EAF2: variants seen among roughly 807,000 people sequenced by gnomAD.
EAF2 encodes the protein ELL associated factor 2, also known as ELL-associated factor 2.
In EAF2, 29 loss-of-function variants were observed where a neutral mutation model predicts 29.4. That is an observed-to-expected ratio of 0.99 (90% confidence interval 0.73 to 1.35). The LOEUF is 1.35. EAF2 is among the 40% of genes most tolerant of loss of function. EAF2 has a pLI of 0.00. For missense variants in EAF2, 292 were observed against 312.0 expected (o/e 0.94, Z 0.48); for synonymous variants, 103 against 102.5 (o/e 1.00, Z -0.03).
chr3:121,869,460 T>C (rs191930540), intron 4 of EAF2, among the ~76,000 whole-genome samples: 323 of 152,154 alleles, frequency 2.1e-3, no homozygotes, highest in African/African-American at 7.3e-3. Context: ...TCTAGTAAGA[T>C]TGATAAAAAT....
intron 4 of EAF2, among the ~76,000 whole-genome samples, chr3:121,871,886 A>T (rs1709020920): frequency 6.6e-6 from 1 of 151,956 alleles, no homozygotes; most frequent in Admixed American, 6.6e-5. Context: ...TTATAAAATT[A>T]TGAAGTTGTT....
intron 4 of EAF2, among the ~76,000 whole-genome samples, chr3:121,858,719 A>T (rs78098556): frequency 6.6e-6 from 1 of 151,800 alleles, no homozygotes; most frequent in Non-Finnish European, 1.5e-5. Context: ...ATTGCTTTTG[A>T]TGTTTTAGTC....
intron 4 of EAF2, 64 bp downstream of exon 4, chr3:121,857,220 A>G (rs1300304602): frequency 1.5e-5 from 21 of 1,444,082 alleles, no homozygotes; most frequent in Admixed American, 2.1e-5. Flanking sequence ...AAGGCCAGGC[A>G]TGGTGGCTCA....
intron 5 of EAF2, among the ~76,000 whole-genome samples, chr3:121,879,693 T>A (rs1359576472): frequency 6.6e-6 from 1 of 151,774 alleles, no homozygotes; most frequent in African/African-American, 2.4e-5. Flanking sequence ...CACAGAATGT[T>A]CTTGGTGACT....
intron 5 of EAF2, among the ~76,000 whole-genome samples, chr3:121,880,422 C>T (rs1336578428): frequency 6.6e-6 from 1 of 150,656 alleles, no homozygotes; most frequent in African/African-American, 2.5e-5. Flanking sequence ...AGAATACAGG[C>T]ATGAGTCACT....
At chr3:121,869,808 G>A (rs774056044) in intron 4 of EAF2, among the ~76,000 whole-genome samples, 5 of 152,096 alleles carry the variant, frequency 3.3e-5, no homozygotes, top group African/African-American at 1.2e-4. Context: ...TGGATTGCTT[G>A]AGCCCAAGAG....
intron 4 of EAF2, among the ~76,000 whole-genome samples, chr3:121,865,161 C>T (rs1708902097): frequency 6.6e-6 from 1 of 152,206 alleles, no homozygotes; most frequent in African/African-American, 2.4e-5. Context: ...ATAATTCCAG[C>T]ACTTTGGGGG....
At chr3:121,868,751 T>C (rs1434808034) in intron 4 of EAF2, among the ~76,000 whole-genome samples, 2 of 152,102 alleles carry the variant, frequency 1.3e-5, no homozygotes, top group Non-Finnish European at 2.9e-5. Context: ...AAAAGAGAAA[T>C]CTGCAAATCC....
At position 121,836,721 on chromosome 3, in the gene EAF2, A is replaced by C. The variant is rs560005565; in HGVS notation, c.106+1330A>C. ...CAGTCCCATTTTCCGGAAGTGTGATATGCGTCTTTATCTGGTTTTTCCATG... is the reference window on the plus strand; with the variant it reads ...CAGTCCCATTTTCCGGAAGTGTGATCTGCGTCTTTATCTGGTTTTTCCATG... On this transcript the variant is annotated intron_variant, in intron 1 of 5. Coordinates refer to ENST00000273668, the MANE Select transcript of EAF2 (RefSeq NM_018456.6). 5.1e-6 allele frequency: 5 copies of C among 987,644 alleles called. No individual in the cohort carries two copies. The East Asian group carries it at 5.7e-4, about 112-fold the overall frequency. The allele number at this position is 987,644 out of a possible 1,614,324, so 61.2% of individuals were successfully genotyped here.
At chr3:121,866,375 A>C (rs1020475085) in intron 4 of EAF2, among the ~76,000 whole-genome samples, 1 of 152,220 alleles carries the variant, frequency 6.6e-6, no homozygotes, top group East Asian at 1.9e-4. Context: ...TAAAAATTTG[A>C]ATAAGATATA....
At chr3:121,862,716 T>C (rs1576649051) in intron 4 of EAF2, among the ~76,000 whole-genome samples, 1 of 152,256 alleles carries the variant, frequency 6.6e-6, no homozygotes, top group African/African-American at 2.4e-5. Flanking sequence ...ATTCCATTGC[T>C]GGCGAGGAGC....
intron 4 of EAF2, among the ~76,000 whole-genome samples, chr3:121,863,861 G>C (rs1003626687): frequency 6.6e-6 from 1 of 151,470 alleles, no homozygotes; most frequent in African/African-American, 2.4e-5. Context: ...TACTATTCAG[G>C]GTAAAAAAAA....
At chr3:121,874,051 T>A (rs946242007) in intron 5 of EAF2, among the ~76,000 whole-genome samples, 7 of 151,916 alleles carry the variant, frequency 4.6e-5, no homozygotes, top group African/African-American at 1.7e-4. Flanking sequence ...ATCATTGAAT[T>A]CTTGCACTTA....
intron 1 of EAF2, among the ~76,000 whole-genome samples, chr3:121,838,092 A>G (rs1033070533): frequency 6.6e-6 from 1 of 152,202 alleles, no homozygotes; most frequent in African/African-American, 2.4e-5. Flanking sequence ...TTCTTATGAA[A>G]ATATTGGCAT....
intron 4 of EAF2, among the ~76,000 whole-genome samples, chr3:121,861,486 T>G (rs537967358): frequency 4.6e-5 from 7 of 152,308 alleles, no homozygotes; most frequent in African/African-American, 1.7e-4. Context: ...GGACTAGGAT[T>G]GCAACCCCTG....
intron 5 of EAF2, among the ~76,000 whole-genome samples, chr3:121,874,391 G>A (rs534600894): frequency 6.6e-6 from 1 of 151,838 alleles, no homozygotes; most frequent in East Asian, 1.9e-4. Flanking sequence ...TTTTTGAATG[G>A]CCAAGAGAAC....
intron 5 of EAF2, among the ~76,000 whole-genome samples, chr3:121,873,332 A>G (rs773006349): frequency 6.6e-6 from 1 of 151,892 alleles, no homozygotes; most frequent in Non-Finnish European, 1.5e-5. Context: ...TATGCAAATC[A>G]TAAGTCTAAT....
At chr3:121,876,511 A>G (rs1709098555) in intron 5 of EAF2, among the ~76,000 whole-genome samples, 2 of 152,028 alleles carry the variant, frequency 1.3e-5, no homozygotes, top group East Asian at 3.8e-4. Context: ...ACCTTTGACT[A>G]TAAAGATAAC....
At chr3:121,860,404 G>A (rs1708805240) in intron 4 of EAF2, among the ~76,000 whole-genome samples, 1 of 152,108 alleles carries the variant, frequency 6.6e-6, no homozygotes, top group African/African-American at 2.4e-5. Flanking sequence ...TTGGGAGGGT[G>A]TATGTGTCCA....
Sources: gnomAD v4.1 joint callset for allele counts (sites outside exome capture counted in the v4.1 genomes callset) on GRCh38, gnomAD v4.1.1 for gene constraint, MANE v1.5 for transcripts, NCBI Gene and HGNC (gene_info 2026-07-23, HGNC 2026-07-21) for gene names.